The following COLQ variants were observed in gnomAD, a reference collection of about 807,000 sequenced individuals.
COLQ encodes collagen like tail subunit of asymmetric acetylcholinesterase.
COLQ carries 48 observed loss-of-function variants against 69.0 expected under a neutral mutation model. The ratio of observed to expected loss-of-function variants is 0.70; its 90% CI spans 0.55 to 0.88. The LOEUF (loss-of-function observed/expected upper bound fraction) is 0.88. Ranked by LOEUF, COLQ falls within the 40% of genes least tolerant of loss-of-function variation. The pLI is 0.00. For missense variants in COLQ, 618 were observed against 594.6 expected (o/e 1.04, Z -0.41); for synonymous variants, 217 against 211.2 (o/e 1.03, Z -0.24).
chr3:15,511,144 C>T (rs1024993555), intron 1 of COLQ, among the ~76,000 whole-genome samples: 1 of 152,162 alleles, frequency 6.6e-6, no homozygotes, highest in Non-Finnish European at 1.5e-5. Flanking sequence ...CTGGTCCACC[C>T]CTTAATTTTA....
intron 1 of COLQ, among the ~76,000 whole-genome samples, chr3:15,493,803 G>C (rs1326361624): frequency 6.6e-6 from 1 of 152,244 alleles, no homozygotes; most frequent in Non-Finnish European, 1.5e-5. Context: ...TGTCAAACAG[G>C]CTAGGCGTGG....
intron 1 of COLQ, among the ~76,000 whole-genome samples, chr3:15,518,493 GC>G (rs937501649): frequency 6.6e-6 from 1 of 152,190 alleles, no homozygotes; most frequent in Non-Finnish European, 1.5e-5. Flanking sequence ...AATATTATGT[GC>G]TTTAGCGATG....
chr3:15,481,826 T>C (rs1292927784), intron 3 of COLQ, among the ~76,000 whole-genome samples: 1 of 152,234 alleles, frequency 6.6e-6, no homozygotes, highest in African/African-American at 2.4e-5. Context: ...TTTCACAATA[T>C]TGATTCTTCC....
intron 1 of COLQ, among the ~76,000 whole-genome samples, chr3:15,490,515 C>A (rs2062647927): frequency 6.6e-6 from 1 of 152,328 alleles, no homozygotes; most frequent in South Asian, 2.1e-4. Context: ...TGGAATCATA[C>A]AATATGAACT....
At chr3:15,509,708 C>T (rs74781229) in intron 1 of COLQ, among the ~76,000 whole-genome samples, 6,230 of 152,238 alleles carry the variant, frequency 0.041, 292 homozygotes, top group Admixed American at 0.14. Context: ...ATTGTATATT[C>T]CCCTTTTCCA....
In COLQ at chr3:15,487,622, C is replaced by T. The variant is rs1206110669; in HGVS notation, c.321+584G>A. ...CCAGCTGTCCCTCACCGATGGAGCA[C>T]CCTCTTGGAGGCAGGCCAGAGGGGC... is the stretch of plus-strand genomic sequence containing the variant. On this transcript the variant is annotated intron_variant, in intron 3 of 16. Coordinates refer to ENST00000383788, the MANE Select transcript of COLQ (RefSeq NM_005677.4). 4.6e-5 allele frequency among the ~76,000 whole-genome samples: 7 copies of T among 152,252 alleles called. No homozygotes were observed. In the South Asian group the frequency reaches 6.2e-4, roughly 14 times the overall value.
At chr3:15,488,771 A>G (rs531645846) in intron 2 of COLQ, among the ~76,000 whole-genome samples, 1 of 152,334 alleles carries the variant, frequency 6.6e-6, no homozygotes, top group Non-Finnish European at 1.5e-5. Flanking sequence ...ACATATATTC[A>G]GTATTGGAAA....
At chr3:15,516,819 T>C (rs891918251) in intron 1 of COLQ, among the ~76,000 whole-genome samples, 1 of 152,174 alleles carries the variant, frequency 6.6e-6, no homozygotes, top group African/African-American at 2.4e-5. Flanking sequence ...GCTTTGGGCA[T>C]TGATATACTG....
chr3:15,456,478 A>G lies in COLQ; in HGVS notation c.1056T>C (p.Leu352=). 1 of 1,614,176 alleles carries G rather than the reference A, an allele frequency of 6.2e-7. No homozygotes were observed. Among genetic ancestry groups the G allele is most frequent in the Non-Finnish European group, 8.5e-7 (1 of 1,180,020 alleles). ...DQRSLYFKDS[L]GWLPIQLTPF... The stretch of plus-strand genomic sequence containing the variant: ...GGGGTACCTGGATGGGGAGCCAGCC[A>G]AGGCTGTCCTTGAAGTACAGAGATC... Residue 352 remains leucine, a synonymous_variant, in exon 14 of 17, where the codon CTT becomes CTC. Coordinates refer to ENST00000383788, the MANE Select transcript of COLQ (RefSeq NM_005677.4).
At chr3:15,484,837 T>C (rs2062549026) in intron 3 of COLQ, among the ~76,000 whole-genome samples, 1 of 152,124 alleles carries the variant, frequency 6.6e-6, no homozygotes, top group South Asian at 2.1e-4. Context: ...TTCAAGGTTT[T>C]AGCTTCTTTA....
intron 5 of COLQ, 94 bp downstream of exon 5, chr3:15,478,883 G>A: frequency 6.9e-7 from 1 of 1,453,620 alleles, no homozygotes. Flanking sequence ...AGTGACCACT[G>A]AAGTGCATTG....
intron 4 of COLQ, among the ~76,000 whole-genome samples, 162 bp downstream of exon 4, chr3:15,479,176 C>T (rs542448813): frequency 6.6e-6 from 1 of 152,312 alleles, no homozygotes; most frequent in African/African-American, 2.4e-5. Context: ...AGTGGTATCC[C>T]ATATGTGCTG....
chr3:15,521,616 G>A lies in COLQ; in HGVS notation c.10C>T (p.Leu4=), dbSNP rs763742063. Residue 4 remains leucine, a synonymous_variant, in exon 1 of 17, where the codon CTG becomes TTG. Coordinates refer to ENST00000383788, the MANE Select transcript of COLQ (RefSeq NM_005677.4). MVV[L]NPMTLGIYLQ... ...TAAATTCCCAAAGTCATTGGATTCA[G>A]GACAACCATGCTGGCCAGGGTCTGG... 7 of 1,614,076 alleles carry A rather than the reference G, an allele frequency of 4.3e-6. No homozygotes were observed. The highest frequency in any genetic ancestry group is 5.9e-6 in the Non-Finnish European group (7 of 1,180,042).
chr3:15,493,383 AAT>A (rs1370466214), intron 1 of COLQ, among the ~76,000 whole-genome samples: 1 of 152,270 alleles, frequency 6.6e-6, no homozygotes, highest in Non-Finnish European at 1.5e-5. Context: ...AGCTGGAGCC[AAT>A]GAGTCAATGG....
intron 1 of COLQ, among the ~76,000 whole-genome samples, chr3:15,519,973 C>T (rs1173596234): frequency 6.6e-6 from 1 of 152,152 alleles, no homozygotes; most frequent in Non-Finnish European, 1.5e-5. Context: ...AGACACATGC[C>T]CTGGCCACAT....
intron 3 of COLQ, among the ~76,000 whole-genome samples, chr3:15,487,940 T>A (rs992597780): frequency 3.9e-5 from 6 of 152,200 alleles, no homozygotes; most frequent in African/African-American, 1.4e-4. Context: ...AGAGGTGGCA[T>A]CCTCATTTGA....
intron 1 of COLQ, among the ~76,000 whole-genome samples, chr3:15,508,636 T>A (rs571749729): frequency 6.6e-6 from 1 of 152,086 alleles, no homozygotes; most frequent in Non-Finnish European, 1.5e-5. Context: ...AAATTATTCA[T>A]CAAATAATTC....
intron 13 of COLQ, among the ~76,000 whole-genome samples, chr3:15,456,916 G>C (rs528699979): frequency 1.3e-5 from 2 of 151,758 alleles, no homozygotes; most frequent in Admixed American, 1.3e-4. Context: ...TCTGCCTCCC[G>C]GGTTCAAGCA....
At chr3:15,486,645 G>C (rs879889163) in intron 3 of COLQ, among the ~76,000 whole-genome samples, 1 of 152,212 alleles carries the variant, frequency 6.6e-6, no homozygotes, top group African/African-American at 2.4e-5. Flanking sequence ...CACCTCCGAG[G>C]ATTCTCATCT....
Sources: gnomAD v4.1 joint callset for allele counts (sites outside exome capture counted in the v4.1 genomes callset) on GRCh38, gnomAD v4.1.1 for gene constraint, MANE v1.5 for transcripts, NCBI Gene and HGNC (gene_info 2026-07-23, HGNC 2026-07-21) for gene names.